Variants in ZNF521 observed in about 807,000 individuals in gnomAD.
ZNF521 encodes the protein LYST-interacting protein 3.
A neutral mutation model predicts 105.5 loss-of-function variants in ZNF521; 14 were observed. The ratio of observed to expected loss-of-function variants is 0.13; its 90% CI spans 0.09 to 0.21. The LOEUF is 0.21. Ranked by LOEUF, ZNF521 falls within the 10% of genes least tolerant of loss-of-function variation. The pLI, the probability that ZNF521 is intolerant of heterozygous loss-of-function variation, is 1.00. For synonymous variants in ZNF521, 635 were observed against 606.0 expected, an observed-to-expected ratio of 1.05 and a Z score of -0.70; for missense variants, 1,233 against 1,629.7, an observed-to-expected ratio of 0.76 and a Z score of 4.19.
intron 3 of ZNF521, among the ~76,000 whole-genome samples, chr18:25,303,436 T>C (rs893581586): frequency 3.3e-5 from 5 of 152,018 alleles, no homozygotes; most frequent in African/African-American, 1.2e-4. Context: ...TAGCTGGGAC[T>C]ACAGGTGCCC....
At chr18:25,310,828 G>A (rs1420725232) in intron 3 of ZNF521, among the ~76,000 whole-genome samples, 6 of 152,048 alleles carry the variant, frequency 3.9e-5, no homozygotes, top group African/African-American at 4.8e-5. Context: ...ATATTGAAAC[G>A]AATGTTTCCT....
intron 4 of ZNF521, among the ~76,000 whole-genome samples, chr18:25,199,429 A>G (rs1174621310): frequency 6.6e-6 from 1 of 151,916 alleles, no homozygotes; most frequent in Non-Finnish European, 1.5e-5. Flanking sequence ...TTAGATATCA[A>G]TCTGACTATC....
intron 3 of ZNF521, among the ~76,000 whole-genome samples, chr18:25,264,744 G>A (rs909296103): frequency 7.2e-5 from 11 of 151,882 alleles, no homozygotes; most frequent in Non-Finnish European, 1.3e-4. Flanking sequence ...ACAAAAGCCC[G>A]AAAGTTCTAT....
chr18:25,311,175 TA>T (rs1451357084), intron 3 of ZNF521, among the ~76,000 whole-genome samples: 1 of 152,068 alleles, frequency 6.6e-6, no homozygotes, highest in African/African-American at 2.4e-5. Context: ...TCCCAAGACC[TA>T]TTAAGAGGTC....
chr18:25,322,278 C>T (rs1217028864), intron 2 of ZNF521, 91 bp from the exon 3 acceptor site: 1 of 1,337,362 alleles, frequency 7.5e-7, no homozygotes, highest in East Asian at 2.3e-5. Context: ...ACAGAAACAC[C>T]ATTTTCCTTG....
intron 3 of ZNF521, among the ~76,000 whole-genome samples, chr18:25,310,358 G>A (rs1912230397): frequency 6.6e-6 from 1 of 151,714 alleles, no homozygotes; most frequent in African/African-American, 2.4e-5. Context: ...TTTTTAATTA[G>A]TCACCAGGGG....
chr18:25,174,358 G>A (rs2035498857), intron 5 of ZNF521, among the ~76,000 whole-genome samples: 1 of 152,022 alleles, frequency 6.6e-6, no homozygotes, highest in South Asian at 2.1e-4. Context: ...GTTGTCTCCA[G>A]GGAGTGGAAA....
chr18:25,300,789 T>C (rs1568065087), intron 3 of ZNF521, among the ~76,000 whole-genome samples: 1 of 152,214 alleles, frequency 6.6e-6, no homozygotes, highest in Non-Finnish European at 1.5e-5. Context: ...ATGCTTATAT[T>C]GAAAATCTTT....
chr18:25,226,833 T>A lies in ZNF521; in HGVS notation c.1085A>T (p.Asn362Ile), dbSNP rs373293411. The A allele has an allele frequency of 6.2e-7, 1 of 1,613,198 alleles. No homozygotes were observed. Among genetic ancestry groups the A allele is most frequent in the African/African-American group, 1.3e-5 (1 of 74,642 alleles). The change falls in exon 4 of 8, where the codon AAC (asparagine) becomes ATC (isoleucine). Residue 362 changes from asparagine to isoleucine, a missense_variant. By Grantham distance (149) the Asn-to-Ile change is moderately radical (BLOSUM62 -3). Transcript: ENST00000361524. This position sits in a 1 kb window ranked among gnomAD's most constrained non-coding sequence, Gnocchi z 4.1. ...TSVSSTTPDSNLSVDSSTMVE... is the reference protein window; with the variant it reads ...TSVSSTTPDSILSVDSSTMVE... ...CATGGTTGAGCTGTCCACTGAGAGG[T>A]TGGAATCTGGAGTCGTACTGGACAC...
At chr18:25,276,790 TTA>T (rs1910059172) in intron 3 of ZNF521, among the ~76,000 whole-genome samples, 1 of 152,258 alleles carries the variant, frequency 6.6e-6, no homozygotes, top group Non-Finnish European at 1.5e-5. Flanking sequence ...ACAGATATAT[TTA>T]GTTCACCTTT....
Position 25,179,116 on chromosome 18 carries a change from C to CTTTTTTTTTTTTTTT in ZNF521, c.3658+16029_3658+16043dup, listed in dbSNP as rs1175859497. 8.4e-4 allele frequency among the ~76,000 whole-genome samples: 44 copies of CTTTTTTTTTTTTTTT among 52,482 alleles called. 10 individuals are homozygous for CTTTTTTTTTTTTTTT. Among genetic ancestry groups the CTTTTTTTTTTTTTTT allele is most frequent in the South Asian group, 1.9e-3 (2 of 1,064 alleles). The allele number at this position is 52,482 out of a possible 152,430, so 34.4% of individuals were successfully genotyped here. A position where few individuals can be genotyped will look rare whatever the true frequency, so the allele number is the denominator to read the frequency against. On this transcript the variant is annotated intron_variant, in intron 5 of 7. Coordinates refer to ENST00000361524, the MANE Select transcript of ZNF521 (RefSeq NM_015461.3). ...GACTTATACTTCTTTTTCTTTATTC[C>CTTTTTTTTTTTTTTT]TTTTTTTTTTTTTTTTTTTTTTTTT...
intron 5 of ZNF521, among the ~76,000 whole-genome samples, chr18:25,121,781 C>A (rs183474042): frequency 8.0e-4 from 122 of 152,206 alleles, no homozygotes; most frequent in Middle Eastern, 3.4e-3. Context: ...CTCCTCCCCC[C>A]AAATATAAAT....
In ZNF521 at chr18:25,193,927, C is replaced by T. The variant is rs140278208; in HGVS notation, c.3658+1233G>A. On this transcript the variant is annotated intron_variant, in intron 5 of 7. Transcript: ENST00000361524. ...TATAAGCAACAACCCCCCAGAAGAC[C>T]TATCATTTGAAAACTATAAAGCACA... 4.6e-5 allele frequency among the ~76,000 whole-genome samples: 7 copies of T among 151,904 alleles called. 1 individual carries two copies. The East Asian group carries it at 1.4e-3, about 29-fold the overall frequency.
intron 5 of ZNF521, among the ~76,000 whole-genome samples, chr18:25,152,233 C>T (rs1206186982): frequency 6.6e-6 from 1 of 152,150 alleles, no homozygotes; most frequent in South Asian, 2.1e-4. Flanking sequence ...AATCTCAACA[C>T]TTTGGGAGGC....
intron 2 of ZNF521, among the ~76,000 whole-genome samples, chr18:25,345,796 C>A (rs1279778700): frequency 2.0e-5 from 3 of 152,172 alleles, no homozygotes; most frequent in Non-Finnish European, 1.5e-5. Context: ...AGGGAAGAAA[C>A]AGTCACTGGT....
At chr18:25,092,611 T>C (rs528432407) in intron 5 of ZNF521, among the ~76,000 whole-genome samples, 27 of 152,342 alleles carry the variant, frequency 1.8e-4, no homozygotes, top group African/African-American at 6.5e-4. Flanking sequence ...AATGCCCTTT[T>C]CTCTGCTTCG....
chr18:25,197,343 A>T (rs2035919619), intron 4 of ZNF521, among the ~76,000 whole-genome samples: 1 of 151,828 alleles, frequency 6.6e-6, no homozygotes, highest in Non-Finnish European at 1.5e-5. Flanking sequence ...ACTCTACTTC[A>T]CCATATTTTT....
rs1427971865 is a variant in ZNF521 at position 25,166,410 on chromosome 18, G to A, written c.3658+28750C>T. Among the ~76,000 whole-genome samples the A allele has an allele frequency of 2.6e-5, 4 of 152,002 alleles. No individual in the cohort carries two copies. In the East Asian group the frequency reaches 7.7e-4, roughly 29 times the overall value. ...CTCAATGTGTGGGCTGAAGTTAACT[G>A]GATTTTTTTAAACAAGATTCTTGTT... is the stretch of plus-strand genomic sequence containing the variant. On this transcript the variant is annotated intron_variant, in intron 5 of 7. Coordinates refer to ENST00000361524, the MANE Select transcript of ZNF521 (RefSeq NM_015461.3).
intron 3 of ZNF521, among the ~76,000 whole-genome samples, chr18:25,298,645 T>C (rs1262398107): frequency 6.6e-6 from 1 of 152,200 alleles, no homozygotes; most frequent in Non-Finnish European, 1.5e-5. Flanking sequence ...TGGCACACTA[T>C]ATGATTTCCT....
Sources: allele counts gnomAD v4.1 joint callset (sites outside exome capture counted in the v4.1 genomes callset), GRCh38; gene constraint gnomAD v4.1.1; non-coding constraint Gnocchi (gnomAD v3.1); transcripts MANE v1.5; gene names NCBI Gene and HGNC (gene_info 2026-07-23, HGNC 2026-07-21).